The following LRRC52 variants were observed in gnomAD, a reference collection of about 807,000 sequenced individuals.
LRRC52 encodes the protein leucine rich repeat containing 52.
Under a neutral mutation model 14.7 loss-of-function variants are expected in LRRC52, and 15 were observed. That is an observed-to-expected ratio of 1.02 (90% confidence interval 0.68 to 1.58). LRRC52 has a LOEUF of 1.58. LRRC52 is among the 40% of genes most tolerant of loss of function. The pLI, the probability that LRRC52 is intolerant of heterozygous loss-of-function variation, is 0.00. For missense variants in LRRC52, 400 were observed against 387.7 expected (o/e 1.03, Z -0.27); for synonymous variants, 180 against 163.9 (o/e 1.10, Z -0.75).
In LRRC52 at chr1:165,544,208, TC is replaced by T. The variant is rs2101820870; in HGVS notation, c.-84del. The T allele has an allele frequency of 2.0e-5, 9 of 448,096 alleles. 3 individuals are homozygous for T. Among genetic ancestry groups the T allele is most frequent in the South Asian group, 3.8e-5 (2 of 52,398 alleles). 27.8% of individuals were successfully genotyped at this position (448,096 alleles called of 1,614,324 possible). On this transcript the variant is annotated 5_prime_UTR_variant, in exon 1 of 2. Transcript: ENST00000294818. ...GTGTTACAGTTCTTTCCAGAGCCCC[TC>T]CCCCGCCCCACCCCCCCACCGGCAG... is the stretch of plus-strand genomic sequence containing the variant.
At chr1:165,548,238 A>G (rs573611656) in intron 1 of LRRC52, among the ~76,000 whole-genome samples, 1 of 152,362 alleles carries the variant, frequency 6.6e-6, no homozygotes, top group East Asian at 1.9e-4. Context: ...TATTAAGGGC[A>G]ATATGAGAGT....
At chr1:165,561,088 G>C (rs1286298580) in intron 1 of LRRC52, among the ~76,000 whole-genome samples, 4 of 152,154 alleles carry the variant, frequency 2.6e-5, no homozygotes, top group East Asian at 1.9e-4. Context: ...ACTGGGAAGA[G>C]GGGGAGATAA....
intron 1 of LRRC52, among the ~76,000 whole-genome samples, chr1:165,559,708 T>G (rs1032523954): frequency 2.0e-5 from 3 of 152,164 alleles, no homozygotes; most frequent in Admixed American, 1.3e-4. Flanking sequence ...ATAGGCTAAT[T>G]GATAGAAGCA....
chr1:165,563,124 A>G (rs1661384074), intron 1 of LRRC52, among the ~76,000 whole-genome samples: 2 of 152,164 alleles, frequency 1.3e-5, no homozygotes, highest in African/African-American at 4.8e-5. Flanking sequence ...TCAACACTCC[A>G]TGGCAATCTT....
chr1:165,544,220 C>A lies in LRRC52; in HGVS notation c.-77C>A. On this transcript the variant is annotated 5_prime_UTR_variant, in exon 1 of 2. Transcript: ENST00000294818. ...TTTCCAGAGCCCCTCCCCCGCCCCA[C>A]CCCCCCACCGGCAGCCTTCGGATCA... 7 of 1,280,288 alleles carry A rather than the reference C, an allele frequency of 5.5e-6. No homozygotes were observed. The highest frequency in any genetic ancestry group is 1.4e-5 in the South Asian group (1 of 71,746). The allele number at this position is 1,280,288 out of a possible 1,614,324, so 79.3% of individuals were successfully genotyped here. A position where few individuals can be genotyped will look rare whatever the true frequency, so the allele number is the denominator to read the frequency against.
intron 1 of LRRC52, among the ~76,000 whole-genome samples, chr1:165,547,525 C>T (rs1661047030): frequency 6.6e-6 from 1 of 152,074 alleles, no homozygotes; most frequent in Non-Finnish European, 1.5e-5. Flanking sequence ...TTAGCATTTG[C>T]TCTCATTTGG....
rs915034131 is a variant in LRRC52 at position 165,563,619 on chromosome 1, T to A, written c.737T>A (p.Ile246Asn). The change falls in exon 2 of 2, where the codon ATC becomes AAC. Residue 246 changes from isoleucine to asparagine, a missense_variant. Coordinates refer to ENST00000294818, the MANE Select transcript of LRRC52 (RefSeq NM_001005214.4). The stretch of plus-strand genomic sequence containing the variant: ...ACGCACCTGGACCACAAAGACTACA[T>A]CTTCCTGCTGCTCATCGGCTTCTGC... ...CITHLDHKDY[I>N]FLLLIGFCIF... 6.2e-7 allele frequency: 1 copy of A among 1,614,106 alleles called. No individual in the cohort carries two copies. Among genetic ancestry groups the A allele is most frequent in the African/African-American group, 1.3e-5 (1 of 74,936 alleles).
chr1:165,546,191 G>C (rs1166273028), intron 1 of LRRC52, among the ~76,000 whole-genome samples: 1 of 148,618 alleles, frequency 6.7e-6, no homozygotes, highest in East Asian at 2.1e-4. Context: ...GCTTTTAGGA[G>C]GCAAAATTTA....
intron 1 of LRRC52, among the ~76,000 whole-genome samples, chr1:165,548,716 G>A (rs545001753): frequency 6.6e-6 from 1 of 152,244 alleles, no homozygotes; most frequent in South Asian, 2.1e-4. Context: ...TTGAATACAA[G>A]GATAATAATA....
chr1:165,551,022 G>T (rs1661120497), intron 1 of LRRC52, among the ~76,000 whole-genome samples: 1 of 152,310 alleles, frequency 6.6e-6, no homozygotes, highest in South Asian at 2.1e-4. Context: ...ACAGCGCTCA[G>T]CAGGCAAGGT....
Position 165,563,847 on chromosome 1 carries a change from G to T in LRRC52, c.*23G>T. The T allele has an allele frequency of 6.2e-6, 10 of 1,604,168 alleles. No individual in the cohort carries two copies. The highest frequency in any genetic ancestry group is 8.5e-6 in the Non-Finnish European group (10 of 1,173,676). ...TAGTTGCCAGAGACCACTATCTTATGTGCCTCCCCCAGGCTCCCTGCTTTC... is the reference window on the plus strand; with the variant it reads ...TAGTTGCCAGAGACCACTATCTTATTTGCCTCCCCCAGGCTCCCTGCTTTC... On this transcript the variant is annotated 3_prime_UTR_variant, in exon 2 of 2. Coordinates refer to ENST00000294818, the MANE Select transcript of LRRC52 (RefSeq NM_001005214.4).
intron 1 of LRRC52, among the ~76,000 whole-genome samples, chr1:165,558,478 A>T (rs899320242): frequency 6.6e-6 from 1 of 152,214 alleles, no homozygotes; most frequent in Non-Finnish European, 1.5e-5. Flanking sequence ...GCATGGGAAT[A>T]ATTAAAACTA....
chr1:165,563,836 C>A lies in LRRC52; in HGVS notation c.*12C>A. ...CTCAGCTTATTTAGTTGCCAGAGACCACTATCTTATGTGCCTCCCCCAGGC... is the reference window on the plus strand; with the variant it reads ...CTCAGCTTATTTAGTTGCCAGAGACAACTATCTTATGTGCCTCCCCCAGGC... On this transcript the variant is annotated 3_prime_UTR_variant, in exon 2 of 2. Coordinates refer to ENST00000294818, the MANE Select transcript of LRRC52 (RefSeq NM_001005214.4). 1 of 1,610,680 alleles carries A rather than the reference C, an allele frequency of 6.2e-7. No homozygotes were observed. Among genetic ancestry groups the A allele is most frequent in the Middle Eastern group, 1.7e-4 (1 of 6,040 alleles).
intron 1 of LRRC52, among the ~76,000 whole-genome samples, chr1:165,550,815 G>A (rs1264127829): frequency 6.6e-6 from 1 of 152,098 alleles, no homozygotes; most frequent in African/African-American, 2.4e-5. Flanking sequence ...ACAGAAAATA[G>A]AATTGAAAGC....
Position 165,544,443 on chromosome 1 carries a change from T to C in LRRC52, c.147T>C (p.Leu49=). The C allele has an allele frequency of 6.2e-7, 1 of 1,614,120 alleles. No homozygotes were observed. Among genetic ancestry groups the C allele is most frequent in the South Asian group, 1.1e-5 (1 of 91,072 alleles). ...CTGKQLTEYP[L]DIPLNTRRLF... ...GGAAGCAGTTAACCGAATACCCCCTTGACATACCCCTGAACACCCGGAGGC... is the reference window on the plus strand; with the variant it reads ...GGAAGCAGTTAACCGAATACCCCCTCGACATACCCCTGAACACCCGGAGGC... Residue 49 remains leucine, a synonymous_variant, in exon 1 of 2, where the codon CTT becomes CTC. Coordinates refer to ENST00000294818, the MANE Select transcript of LRRC52 (RefSeq NM_001005214.4).
In LRRC52 at chr1:165,544,820, C is replaced by T. The variant is rs762929748; in HGVS notation, c.524C>T (p.Thr175Ile). ...LDSAALYHLT[T>I]LETLFLSGNP... is the part of the protein sequence containing the mutation. ...AGTGCTGCCTTATACCACCTCACTACTCTGGAGACCCTGTTTCTGAGTGGA... is the reference window on the plus strand; with the variant it reads ...AGTGCTGCCTTATACCACCTCACTATTCTGGAGACCCTGTTTCTGAGTGGA... Residue 175 changes from threonine to isoleucine, a missense_variant, in exon 1 of 2, where the codon ACT becomes ATT. Coordinates refer to ENST00000294818, the MANE Select transcript of LRRC52 (RefSeq NM_001005214.4). The T allele has an allele frequency of 1.6e-5, 26 of 1,613,808 alleles. No homozygotes were observed. In the South Asian group the frequency reaches 2.7e-4, roughly 17 times the overall value.
chr1:165,556,863 A>G (rs1346127601), intron 1 of LRRC52, among the ~76,000 whole-genome samples: 4 of 152,178 alleles, frequency 2.6e-5, no homozygotes, highest in Admixed American at 2.6e-4. Flanking sequence ...ATATTGCCCA[A>G]CCTAGGTTTC....
At chr1:165,555,697 G>C (rs190666479) in intron 1 of LRRC52, among the ~76,000 whole-genome samples, 188 of 152,342 alleles carry the variant, frequency 1.2e-3, no homozygotes, top group Middle Eastern at 0.01. Context: ...TAAGAATCAG[G>C]ATACATTTTG....
intron 1 of LRRC52, among the ~76,000 whole-genome samples, chr1:165,551,203 C>T (rs111471556): frequency 1.3e-5 from 2 of 150,736 alleles, no homozygotes; most frequent in South Asian, 4.2e-4. Context: ...TGCCTCCACC[C>T]CAAGAAACTC....
Sources: allele counts gnomAD v4.1 joint callset (sites outside exome capture counted in the v4.1 genomes callset), GRCh38; gene constraint gnomAD v4.1.1; transcripts MANE v1.5; gene names NCBI Gene and HGNC (gene_info 2026-07-23, HGNC 2026-07-21).